FSTL5: variants seen among roughly 807,000 people sequenced by gnomAD.
FSTL5 encodes the protein follistatin like 5.
In FSTL5, 62 loss-of-function variants were observed where a neutral mutation model predicts 89.1. The observed-to-expected ratio is 0.70, with a 90% CI of 0.57 to 0.86. The LOEUF (loss-of-function observed/expected upper bound fraction) is 0.86, where lower values mean the gene tolerates loss of function less well. Among genes scored for constraint, FSTL5 ranks in the 40% least tolerant of loss-of-function variants. The probability of loss-of-function intolerance (pLI) is 0.00; values close to 1 mark genes in which losing one functional copy is unlikely to be tolerated. For synonymous variants in FSTL5, 383 were observed against 346.2 expected (o/e 1.11, Z -1.18); for missense variants, 1,057 against 1,001.6 (o/e 1.06, Z -0.75).
At chr4:161,626,248 T>C (rs773600549) in intron 7 of FSTL5, among the ~76,000 whole-genome samples, 2 of 152,122 alleles carry the variant, frequency 1.3e-5, no homozygotes, top group Non-Finnish European at 2.9e-5. Context: ...TGTCTGTCTT[T>C]AAAGCTTTAA....
At chr4:162,045,752 G>A (rs1221874290) in intron 2 of FSTL5, among the ~76,000 whole-genome samples, 1 of 152,058 alleles carries the variant, frequency 6.6e-6, no homozygotes, top group Admixed American at 6.6e-5. Context: ...AGTATAAAGA[G>A]GTATGCTTGT....
At position 161,935,541 on chromosome 4, in the gene FSTL5, AG is replaced by A. The variant is rs1401375822; in HGVS notation, c.161-14890del. On this transcript the variant is annotated intron_variant, in intron 3 of 15. Transcript: ENST00000306100. Reference sequence around the variant, plus strand: ...TTGACATTTAGTGCTACCTAGACAAAGATCTCTTTAAATACCACAGAGAGGT... The same window carrying A: ...TTGACATTTAGTGCTACCTAGACAAAATCTCTTTAAATACCACAGAGAGGT... Among the ~76,000 whole-genome samples, 8 of 152,170 alleles carry A rather than the reference AG, an allele frequency of 5.3e-5. 1 individual carries two copies. Among genetic ancestry groups the A allele is most frequent in the African/African-American group, 1.9e-4 (8 of 41,448 alleles).
At chr4:162,118,487 T>C (rs963589285) in intron 1 of FSTL5, among the ~76,000 whole-genome samples, 1 of 152,166 alleles carries the variant, frequency 6.6e-6, no homozygotes, top group Non-Finnish European at 1.5e-5. Flanking sequence ...GGTCTCGATC[T>C]CCTGACCTCG....
chr4:161,575,782 T>G (rs916745092), intron 8 of FSTL5, among the ~76,000 whole-genome samples: 24 of 152,116 alleles, frequency 1.6e-4, no homozygotes, highest in African/African-American at 5.6e-4. Flanking sequence ...GTTTTTATGG[T>G]TTTGGGTTTC....
At chr4:162,147,871 G>A (rs1443626101) in intron 1 of FSTL5, among the ~76,000 whole-genome samples, 1 of 152,016 alleles carries the variant, frequency 6.6e-6, no homozygotes. Context: ...TGGGCGTGGT[G>A]GCAGGCACCT....
At chr4:161,447,247 C>T (rs1732975567) in intron 15 of FSTL5, among the ~76,000 whole-genome samples, 1 of 152,048 alleles carries the variant, frequency 6.6e-6, no homozygotes, top group South Asian at 2.1e-4. Flanking sequence ...TATTAAATTA[C>T]AGAGCTTAGA....
At chr4:162,142,161 C>T (rs909675696) in intron 1 of FSTL5, among the ~76,000 whole-genome samples, 3 of 151,926 alleles carry the variant, frequency 2.0e-5, no homozygotes, top group Non-Finnish European at 2.9e-5. Flanking sequence ...TGTTAAGAAA[C>T]CTGGCTTTGG....
At chr4:161,566,885 A>G (rs996041042) in intron 8 of FSTL5, among the ~76,000 whole-genome samples, 2 of 152,114 alleles carry the variant, frequency 1.3e-5, no homozygotes, top group Admixed American at 6.6e-5. Context: ...CCAGTGCACC[A>G]GAGGCAGCAA....
At chr4:161,498,235 G>T (rs2126481035) in intron 12 of FSTL5, among the ~76,000 whole-genome samples, 1 of 152,086 alleles carries the variant, frequency 6.6e-6, no homozygotes, top group East Asian at 1.9e-4. Flanking sequence ...GTATTATAAA[G>T]CTTTAAAGAG....
intron 6 of FSTL5, among the ~76,000 whole-genome samples, chr4:161,660,430 C>T (rs1736666397): frequency 6.6e-6 from 1 of 152,000 alleles, no homozygotes. Context: ...GCAACTAGGT[C>T]CTACCAGTAA....
intron 3 of FSTL5, among the ~76,000 whole-genome samples, chr4:161,924,521 A>G (rs1734073835): frequency 6.6e-6 from 1 of 151,736 alleles, no homozygotes; most frequent in African/African-American, 2.4e-5. Flanking sequence ...AAAAAGAATA[A>G]TCATTGACAC....
intron 3 of FSTL5, among the ~76,000 whole-genome samples, chr4:161,953,743 C>A (rs550595193): frequency 1.8e-4 from 27 of 151,626 alleles, no homozygotes; most frequent in African/African-American, 6.5e-4. Context: ...ACAAAAAGCA[C>A]AAAATAGCTT....
intron 3 of FSTL5, among the ~76,000 whole-genome samples, chr4:161,997,583 T>G (rs1287467062): frequency 6.7e-6 from 1 of 149,558 alleles, no homozygotes; most frequent in Admixed American, 6.8e-5. Context: ...TGCATGTGCA[T>G]AAGTGTATAC....
chr4:161,776,112 T>C (rs775506179), intron 4 of FSTL5, 38 bp from the exon 5 acceptor site: 52 of 1,040,392 alleles, frequency 5.0e-5, no homozygotes, highest in Non-Finnish European at 6.3e-5. Context: ...AGCAATATTA[T>C]TGAAAAGAAA....
At chr4:161,998,187 A>G (rs1736357367) in intron 3 of FSTL5, among the ~76,000 whole-genome samples, 1 of 152,182 alleles carries the variant, frequency 6.6e-6, no homozygotes, top group Non-Finnish European at 1.5e-5. Context: ...CAGCTTGACT[A>G]AACTTTAAAG....
intron 9 of FSTL5, among the ~76,000 whole-genome samples, chr4:161,539,403 T>C (rs1047656526): frequency 2.3e-4 from 35 of 152,144 alleles, no homozygotes; most frequent in African/African-American, 7.5e-4. Context: ...ATGTGAGATA[T>C]GGACAGGCAG....
intron 7 of FSTL5, among the ~76,000 whole-genome samples, chr4:161,633,283 T>A (rs1735560804): frequency 7.8e-6 from 1 of 128,362 alleles, no homozygotes; most frequent in Non-Finnish European, 1.6e-5. Context: ...GTCTTTAAAC[T>A]AATTCTTTTT....
intron 7 of FSTL5, among the ~76,000 whole-genome samples, chr4:161,639,419 TTATTTAATTAC>T (rs1482550397): frequency 3.3e-5 from 5 of 152,182 alleles, no homozygotes. Context: ...GGTGTATTAT[TTATTTAATTAC>T]ATTATCATCT....
chr4:161,900,862 A>G (rs1426243949), intron 4 of FSTL5, among the ~76,000 whole-genome samples: 1 of 152,038 alleles, frequency 6.6e-6, no homozygotes, highest in Non-Finnish European at 1.5e-5. Context: ...TATTACCAAG[A>G]TTATTACAAT....
Sources: gnomAD v4.1 joint callset for allele counts (sites outside exome capture counted in the v4.1 genomes callset) on GRCh38, gnomAD v4.1.1 for gene constraint, MANE v1.5 for transcripts, NCBI Gene and HGNC (gene_info 2026-07-23, HGNC 2026-07-21) for gene names.